Variants in CSMD3 observed in about 807,000 individuals in gnomAD.
The protein encoded by CSMD3 is CUB and Sushi multiple domains 3, also known as CUB and sushi domain-containing protein 3.
A neutral mutation model predicts 435.2 loss-of-function variants in CSMD3; 177 were observed. The observed-to-expected ratio is 0.41, with a 90% CI of 0.36 to 0.46. The LOEUF (loss-of-function observed/expected upper bound fraction) is 0.46, where lower values mean the gene tolerates loss of function less well. CSMD3 is among the 20% of genes least tolerant of loss of function. The pLI is 0.34. For synonymous variants in CSMD3, 1,656 were observed against 1,520.5 expected, an observed-to-expected ratio of 1.09 and a Z score of -2.07; for missense variants, 4,265 against 4,504.6, an observed-to-expected ratio of 0.95 and a Z score of 1.52.
chr8:113,102,262 T>TCTATGGAACA (rs1222343882), intron 4 of CSMD3, among the ~76,000 whole-genome samples: 1 of 152,110 alleles, frequency 6.6e-6, no homozygotes, highest in Non-Finnish European at 1.5e-5. Flanking sequence ...AGAAGGTTGT[T>TCTATGGAACA]CCATAGAACC....
At chr8:112,636,760 G>C (rs2131579805) in intron 22 of CSMD3, 57 bp downstream of exon 22, 2 of 1,353,020 alleles carry the variant, frequency 1.5e-6, no homozygotes, top group South Asian at 1.2e-5. Context: ...GTGTAACCAT[G>C]CAACTCCATG....
intron 10 of CSMD3, among the ~76,000 whole-genome samples, chr8:112,913,823 G>T (rs1441835606): frequency 3.3e-5 from 5 of 151,496 alleles, no homozygotes; most frequent in Non-Finnish European, 7.4e-5. Context: ...TTGAATCCCT[G>T]CTTATCCTTT....
chr8:112,326,314 G>T (rs565158191), intron 45 of CSMD3, among the ~76,000 whole-genome samples: 2 of 152,176 alleles, frequency 1.3e-5, no homozygotes, highest in East Asian at 1.9e-4. Context: ...ACATAATCCA[G>T]TTTGTATTGA....
intron 1 of CSMD3, among the ~76,000 whole-genome samples, chr8:113,388,030 G>A (rs941306865): frequency 9.2e-5 from 14 of 151,566 alleles, no homozygotes; most frequent in African/African-American, 2.2e-4. Context: ...CAGATATCCC[G>A]CTATGTTTTG....
intron 5 of CSMD3, among the ~76,000 whole-genome samples, chr8:113,054,695 A>G (rs929598844): frequency 3.3e-5 from 5 of 152,118 alleles, no homozygotes; most frequent in Admixed American, 2.0e-4. Flanking sequence ...TCCTCCAGCA[A>G]CTGCCCATTT....
intron 3 of CSMD3, among the ~76,000 whole-genome samples, chr8:113,217,280 A>G (rs2092916274): frequency 1.3e-5 from 2 of 151,770 alleles, no homozygotes; most frequent in African/African-American, 2.4e-5. Context: ...CATATTATCC[A>G]TAAAGCCCAC....
At chr8:112,375,668 A>ATATAT (rs144413636) in intron 38 of CSMD3, among the ~76,000 whole-genome samples, 4,096 of 152,204 alleles carry the variant, frequency 0.027, 165 homozygotes, top group African/African-American at 0.093. Flanking sequence ...ATTAATGATC[A>ATATAT]TATCTTATAC....
chr8:112,630,648 A>T (rs1219302944), intron 22 of CSMD3, among the ~76,000 whole-genome samples: 6 of 152,156 alleles, frequency 3.9e-5, no homozygotes, highest in Non-Finnish European at 2.9e-5. Flanking sequence ...TTAGGTGGTA[A>T]GTCATAAGGA....
intron 66 of CSMD3, among the ~76,000 whole-genome samples, chr8:112,240,899 C>A (rs763629581): frequency 6.6e-6 from 1 of 152,016 alleles, no homozygotes; most frequent in Non-Finnish European, 1.5e-5. Flanking sequence ...TGCCCGCTCG[C>A]ATCCATGTAA....
At chr8:113,232,103 A>C (rs1286570871) in intron 3 of CSMD3, among the ~76,000 whole-genome samples, 1 of 151,494 alleles carries the variant, frequency 6.6e-6, no homozygotes, top group African/African-American at 2.4e-5. Context: ...AAAAGTTTTG[A>C]GAGGGATAAG....
chr8:112,326,104 A>T (rs191311954), intron 45 of CSMD3, among the ~76,000 whole-genome samples: 11 of 152,218 alleles, frequency 7.2e-5, no homozygotes, highest in Non-Finnish European at 1.3e-4. Flanking sequence ...GGACATTTTG[A>T]TTTGGCAATT....
intron 4 of CSMD3, among the ~76,000 whole-genome samples, chr8:113,122,087 G>A (rs1008885807): frequency 8.6e-5 from 13 of 152,034 alleles, no homozygotes; most frequent in Non-Finnish European, 4.4e-5. Flanking sequence ...TACCAATTGT[G>A]TGGTTTCTTC....
intron 1 of CSMD3, among the ~76,000 whole-genome samples, chr8:113,394,591 TTTTCCA>T (rs773341051): frequency 2.0e-5 from 3 of 152,118 alleles, no homozygotes; most frequent in Non-Finnish European, 4.4e-5. Flanking sequence ...TCACAATGTG[TTTTCCA>T]TTTTAGTGCA....
chr8:112,769,649 C>A (rs941259626), intron 13 of CSMD3, among the ~76,000 whole-genome samples: 32 of 151,998 alleles, frequency 2.1e-4, no homozygotes, highest in African/African-American at 7.7e-4. Flanking sequence ...ATAAGTTGCA[C>A]CTCAATAATT....
At chr8:113,109,782 A>C (rs2090584086) in intron 4 of CSMD3, among the ~76,000 whole-genome samples, 1 of 152,150 alleles carries the variant, frequency 6.6e-6, no homozygotes, top group African/African-American at 2.4e-5. Context: ...CTGGACACTG[A>C]CTTAGTGGAA....
intron 22 of CSMD3, among the ~76,000 whole-genome samples, chr8:112,627,653 T>C (rs960572893): frequency 1.3e-5 from 2 of 152,224 alleles, no homozygotes; most frequent in African/African-American, 4.8e-5. Flanking sequence ...AGGAGTCTTC[T>C]ATTTTAAGTC....
At chr8:112,758,569 A>C (rs2077759630) in intron 13 of CSMD3, among the ~76,000 whole-genome samples, 1 of 152,176 alleles carries the variant, frequency 6.6e-6, no homozygotes, top group African/African-American at 2.4e-5. Flanking sequence ...TAACTACTCA[A>C]ATAGAGAAAC....
rs114429890 is a variant in CSMD3, at chr8:113,413,592, T to C, written c.178+23085A>G. On this transcript the variant is annotated intron_variant, in intron 1 of 70. Transcript: ENST00000297405. ...CAGAACTCAGGGTTTTGTGAAATGA[T>C]GATTATCCGAAATGACTATAAATTA... 3.4e-3 allele frequency among the ~76,000 whole-genome samples: 521 copies of C among 152,232 alleles called. 2 individuals carry two copies. The highest frequency in any genetic ancestry group is 0.012 in the African/African-American group (488 of 41,550).
chr8:113,256,929 G>T (rs1331507342), intron 3 of CSMD3, among the ~76,000 whole-genome samples: 4 of 152,148 alleles, frequency 2.6e-5, no homozygotes, highest in Non-Finnish European at 5.9e-5. Flanking sequence ...ATAAGAATCA[G>T]CAGTTTAGCC....
Sources: gnomAD v4.1 joint callset for allele counts (sites outside exome capture counted in the v4.1 genomes callset) on GRCh38, gnomAD v4.1.1 for gene constraint, MANE v1.5 for transcripts, NCBI Gene and HGNC (gene_info 2026-07-23, HGNC 2026-07-21) for gene names.